SEMA5A: variants seen among roughly 807,000 people sequenced by gnomAD.
The protein encoded by SEMA5A is semaphorin 5A.
In SEMA5A, 55 loss-of-function variants were observed where a neutral mutation model predicts 135.5. The ratio of observed to expected loss-of-function variants is 0.41; its 90% CI spans 0.33 to 0.51. The LOEUF (loss-of-function observed/expected upper bound fraction) is 0.51. Ranked by LOEUF, SEMA5A falls within the 20% of genes least tolerant of loss-of-function variation. The probability of loss-of-function intolerance (pLI) is 0.37; values close to 1 mark genes in which losing one functional copy is unlikely to be tolerated. For synonymous variants in SEMA5A, 580 were observed against 546.5 expected (o/e 1.06, Z -0.85); for missense variants, 1,290 against 1,419.9 (o/e 0.91, Z 1.47).
At chr5:9,455,961 A>G (rs545857680) in intron 1 of SEMA5A, among the ~76,000 whole-genome samples, 3 of 152,324 alleles carry the variant, frequency 2.0e-5, no homozygotes, top group Admixed American at 6.5e-5. Flanking sequence ...ATTATGGAGA[A>G]TCTCAAATGC....
intron 1 of SEMA5A, among the ~76,000 whole-genome samples, chr5:9,509,497 A>T (rs1736090670): frequency 6.6e-6 from 1 of 151,806 alleles, no homozygotes; most frequent in South Asian, 2.1e-4. Flanking sequence ...CTGGTCTCGA[A>T]CCCCTGACCT....
At chr5:9,224,604 C>G in intron 8 of SEMA5A, 70 bp downstream of exon 8, 1 of 1,437,328 alleles carries the variant, frequency 7.0e-7, no homozygotes. Context: ...TTGTAGTTTG[C>G]TTTTGAGCAC....
chr5:9,302,762 A>G (rs1483159322), intron 5 of SEMA5A, among the ~76,000 whole-genome samples: 2 of 152,220 alleles, frequency 1.3e-5, no homozygotes, highest in African/African-American at 4.8e-5. Context: ...GTGAGAAAGA[A>G]GATACATATC....
chr5:9,495,038 C>A (rs1331765589), intron 1 of SEMA5A, among the ~76,000 whole-genome samples: 1 of 152,004 alleles, frequency 6.6e-6, no homozygotes, highest in East Asian at 1.9e-4. Context: ...ATATTTGTAC[C>A]TATGTGCACA....
At chr5:9,324,319 C>A (rs1224181905) in intron 4 of SEMA5A, among the ~76,000 whole-genome samples, 4 of 150,426 alleles carry the variant, frequency 2.7e-5, no homozygotes, top group Admixed American at 2.6e-4. Context: ...CCACCCACAT[C>A]AGCCTCCCAA....
intron 4 of SEMA5A, among the ~76,000 whole-genome samples, chr5:9,328,056 G>A (rs1391105919): frequency 6.6e-6 from 1 of 152,006 alleles, no homozygotes; most frequent in Non-Finnish European, 1.5e-5. Context: ...TTTTTCTCAT[G>A]TATCTTCTAA....
At chr5:9,120,502 T>C (rs1740756152) in intron 14 of SEMA5A, among the ~76,000 whole-genome samples, 1 of 152,174 alleles carries the variant, frequency 6.6e-6, no homozygotes, top group South Asian at 2.1e-4. Flanking sequence ...TCTATAATAA[T>C]ATAACCAAAA....
At chr5:9,303,107 T>C (rs1367779257) in intron 5 of SEMA5A, among the ~76,000 whole-genome samples, 2 of 149,294 alleles carry the variant, frequency 1.3e-5, no homozygotes, top group South Asian at 2.1e-4. Context: ...TACACACACA[T>C]ATATATATAT....
At chr5:9,131,405 G>A (rs1433760439) in intron 13 of SEMA5A, among the ~76,000 whole-genome samples, 9 of 151,886 alleles carry the variant, frequency 5.9e-5, no homozygotes, top group Admixed American at 3.9e-4. Flanking sequence ...TCAGGAGATC[G>A]AGACCATCCA....
chr5:9,214,246 C>A (rs1806033), intron 8 of SEMA5A, among the ~76,000 whole-genome samples: 3 of 152,026 alleles, frequency 2.0e-5, no homozygotes, highest in African/African-American at 7.2e-5. Flanking sequence ...ACAGGCAGAG[C>A]CAGATCATAG....
chr5:9,262,956 A>G (rs945748800), intron 5 of SEMA5A, among the ~76,000 whole-genome samples: 107 of 146,768 alleles, frequency 7.3e-4, no homozygotes, highest in African/African-American at 2.3e-3. Flanking sequence ...AATATTTTCG[A>G]AAAAATAAAA....
chr5:9,400,501 A>ATTTTTTTTTTTTTTTTTT (rs1215358817), intron 2 of SEMA5A, among the ~76,000 whole-genome samples: 3 of 87,018 alleles, frequency 3.4e-5, no homozygotes, highest in African/African-American at 1.5e-4. Context: ...CACAATGTAC[A>ATTTTTTTTTTTTTTTTTT]TTTTTTTTTT....
At chr5:9,064,814 C>T (rs886699442) in intron 17 of SEMA5A, among the ~76,000 whole-genome samples, 6 of 152,288 alleles carry the variant, frequency 3.9e-5, no homozygotes, top group Admixed American at 2.0e-4. Flanking sequence ...GAAAAGGATT[C>T]ATGGGATATA....
intron 4 of SEMA5A, among the ~76,000 whole-genome samples, chr5:9,327,580 T>C (rs1453270931): frequency 1.3e-5 from 2 of 152,166 alleles, no homozygotes; most frequent in Admixed American, 6.6e-5. Context: ...TCTTATTATT[T>C]AGCAAGTAGA....
At position 9,119,064 on chromosome 5, in the gene SEMA5A, C is replaced by T. The variant is rs143358731; in HGVS notation, c.1859G>A (p.Arg620His). Residue 620 changes from arginine (R) to histidine (H), a missense_variant, in exon 15 of 23, where the codon CGC becomes CAC. By Grantham distance (29) the Arg-to-His change is conservative. This residue lies in a region of SEMA5A where 1,029 missense variants were observed against 1,086.6 expected (regional missense o/e 0.95). Transcript: ENST00000382496. Reference protein sequence around the residue: ...TCGIGFQVRQRSCSNPTPRHG... With the variant: ...TCGIGFQVRQHSCSNPTPRHG... ...CCTGGGAGTGGGGTTGCTGCAGGAG[C>T]GCTGCCGCACCTGGAAGCCGATCCC... 3.7e-6 allele frequency: 6 copies of T among 1,613,488 alleles called. No homozygotes were observed. In the African/African-American group the frequency reaches 6.7e-5, roughly 18 times the overall value.
At chr5:9,138,714 T>C (rs1227788406) in intron 12 of SEMA5A, among the ~76,000 whole-genome samples, 1 of 152,220 alleles carries the variant, frequency 6.6e-6, no homozygotes, top group African/African-American at 2.4e-5. Flanking sequence ...CAGTATACAA[T>C]ATCCACTGCA....
intron 2 of SEMA5A, among the ~76,000 whole-genome samples, chr5:9,405,761 C>T (rs1756859882): frequency 6.6e-6 from 1 of 152,268 alleles, no homozygotes; most frequent in Non-Finnish European, 1.5e-5. Context: ...GGAGGGACTT[C>T]GAATATGCTG....
intron 2 of SEMA5A, among the ~76,000 whole-genome samples, chr5:9,427,170 G>T (rs1474905122): frequency 1.3e-5 from 2 of 152,118 alleles, no homozygotes; most frequent in Non-Finnish European, 2.9e-5. Context: ...CATTAGCCAG[G>T]CATGGTGGCA....
intron 1 of SEMA5A, among the ~76,000 whole-genome samples, 156 bp from the exon 2 acceptor site, chr5:9,438,008 C>A (rs3798009): frequency 0.19 from 29,311 of 152,162 alleles, 3,551 homozygotes; most frequent in Middle Eastern, 0.29. Context: ...GCCAGCTTGG[C>A]ATCACAATCA....
Sources: gnomAD v4.1 joint callset for allele counts (sites outside exome capture counted in the v4.1 genomes callset) on GRCh38, gnomAD v4.1.1 for gene constraint, gnomAD v4.1.1 regional missense constraint, MANE v1.5 for transcripts, NCBI Gene and HGNC (gene_info 2026-07-23, HGNC 2026-07-21) for gene names.